The following FHIT variants were observed in gnomAD, a reference collection of about 807,000 sequenced individuals.
The protein encoded by FHIT is bis(5'-adenosyl)-triphosphatase.
FHIT carries 19 observed loss-of-function variants against 17.9 expected under a neutral mutation model. That is an observed-to-expected ratio of 1.06 (90% confidence interval 0.74 to 1.56). The LOEUF (loss-of-function observed/expected upper bound fraction) is 1.56, where lower values mean the gene tolerates loss of function less well. Among genes scored for constraint, FHIT ranks in the 40% most tolerant of loss-of-function variants. The probability of loss-of-function intolerance (pLI) is 0.00; values close to 1 mark genes in which losing one functional copy is unlikely to be tolerated. For synonymous variants in FHIT, 81 were observed against 69.7 expected (o/e 1.16, Z -0.81); for missense variants, 248 against 189.2 (o/e 1.31, Z -1.82).
chr3:60,122,628 G>C (rs1238266405), intron 5 of FHIT, among the ~76,000 whole-genome samples: 1 of 152,138 alleles, frequency 6.6e-6, no homozygotes, highest in Non-Finnish European at 1.5e-5. Context: ...ACGAAGGACA[G>C]ATAGACACTC....
At chr3:61,146,556 A>T (rs1226073293) in intron 2 of FHIT, among the ~76,000 whole-genome samples, 1 of 152,094 alleles carries the variant, frequency 6.6e-6, no homozygotes, top group East Asian at 1.9e-4. Context: ...TTATACAGGC[A>T]ACAGCCCATA....
intron 5 of FHIT, among the ~76,000 whole-genome samples, chr3:60,086,388 T>C (rs1054649017): frequency 2.6e-5 from 4 of 152,192 alleles, no homozygotes; most frequent in Non-Finnish European, 4.4e-5. Context: ...CCAAAACCCA[T>C]GTACTTCTCA....
Position 60,484,067 on chromosome 3 carries a change from T to C in FHIT, c.103+52793A>G, listed in dbSNP as rs185268061. Among the ~76,000 whole-genome samples, 734 of 152,084 alleles carry C rather than the reference T, an allele frequency of 4.8e-3. 4 individuals are homozygous for C. Among genetic ancestry groups the C allele is most frequent in the African/African-American group, 0.017 (690 of 41,500 alleles). On this transcript the variant is annotated intron_variant, in intron 5 of 9. Transcript: ENST00000492590. The stretch of plus-strand genomic sequence containing the variant: ...GCAGAGAGCCAAATCATGAATGAAC[T>C]CCCATTCACAATTGCTACAAAGAGA...
At chr3:60,600,543 G>A (rs2038410980) in intron 4 of FHIT, among the ~76,000 whole-genome samples, 1 of 152,112 alleles carries the variant, frequency 6.6e-6, no homozygotes, top group Admixed American at 6.6e-5. Context: ...TATAAGCTTT[G>A]CTATAAATTT....
intron 5 of FHIT, among the ~76,000 whole-genome samples, chr3:60,027,865 A>G (rs1700819373): frequency 6.6e-6 from 1 of 152,180 alleles, no homozygotes; most frequent in African/African-American, 2.4e-5. Context: ...TCTATATCCT[A>G]TACTGTTCAA....
chr3:60,611,931 C>A (rs1553673758), intron 4 of FHIT, among the ~76,000 whole-genome samples: 1 of 152,074 alleles, frequency 6.6e-6, no homozygotes, highest in Non-Finnish European at 1.5e-5. Context: ...CATGTAGGGC[C>A]CCCTTACTTT....
chr3:60,611,415 T>G (rs146757203), intron 4 of FHIT, among the ~76,000 whole-genome samples: 143 of 152,282 alleles, frequency 9.4e-4, no homozygotes, highest in African/African-American at 3.3e-3. Context: ...GTGGGAGTTA[T>G]TTATAACCTA....
At chr3:61,109,427 G>A (rs928430003) in intron 2 of FHIT, among the ~76,000 whole-genome samples, 1 of 152,128 alleles carries the variant, frequency 6.6e-6, no homozygotes, top group African/African-American at 2.4e-5. Context: ...TTGGGGTTAA[G>A]TGAAGGTTGC....
At chr3:61,125,919 T>C (rs1407465767) in intron 2 of FHIT, among the ~76,000 whole-genome samples, 1 of 152,214 alleles carries the variant, frequency 6.6e-6, no homozygotes, top group Admixed American at 6.5e-5. Flanking sequence ...CCAGTCCATA[T>C]ACACTGTGAA....
intron 5 of FHIT, among the ~76,000 whole-genome samples, chr3:60,445,671 G>T (rs972186830): frequency 6.6e-6 from 1 of 151,962 alleles, no homozygotes; most frequent in Admixed American, 6.6e-5. Flanking sequence ...ACTTAAGCCT[G>T]TCTGAACTTG....
intron 4 of FHIT, among the ~76,000 whole-genome samples, chr3:60,609,081 C>T (rs939998699): frequency 2.0e-5 from 3 of 151,312 alleles, no homozygotes; most frequent in African/African-American, 7.3e-5. Flanking sequence ...TTCTGCTGTT[C>T]CTACTCTGAA....
chr3:61,004,183 A>G (rs2107609624), intron 3 of FHIT, among the ~76,000 whole-genome samples: 1 of 152,266 alleles, frequency 6.6e-6, no homozygotes, highest in East Asian at 1.9e-4. Flanking sequence ...GTGAAACAAA[A>G]GTTCTGAATA....
intron 8 of FHIT, among the ~76,000 whole-genome samples, chr3:59,864,507 T>C (rs890594661): frequency 1.3e-5 from 2 of 152,066 alleles, no homozygotes; most frequent in African/African-American, 4.8e-5. Context: ...GAAAACAGAT[T>C]AATATAGCAT....
chr3:60,744,263 C>CAAAAAAAAAAAAAA (rs1201886354), intron 4 of FHIT, among the ~76,000 whole-genome samples: 6 of 85,980 alleles, frequency 7.0e-5, no homozygotes, highest in Non-Finnish European at 1.2e-4. Flanking sequence ...AAAAACAAAA[C>CAAAAAAAAAAAAAA]AAAACAAAAA....
At chr3:61,173,462 G>C (rs561944832) in intron 2 of FHIT, among the ~76,000 whole-genome samples, 95 of 152,110 alleles carry the variant, frequency 6.2e-4, no homozygotes, top group Non-Finnish European at 1.1e-3. Context: ...ATTATTGTTA[G>C]AATGCTTTCG....
intron 5 of FHIT, among the ~76,000 whole-genome samples, chr3:60,128,885 T>G (rs1699382931): frequency 6.6e-6 from 1 of 152,190 alleles, no homozygotes; most frequent in Non-Finnish European, 1.5e-5. Context: ...CACAGTTCTT[T>G]GCACATAATA....
chr3:60,282,290 G>A (rs1332238565), intron 5 of FHIT, among the ~76,000 whole-genome samples: 2 of 152,038 alleles, frequency 1.3e-5, no homozygotes, highest in Admixed American at 6.6e-5. Flanking sequence ...AAATCCATAC[G>A]ACAGAATACT....
chr3:61,093,853 C>T (rs545000004), intron 2 of FHIT, among the ~76,000 whole-genome samples: 1 of 152,220 alleles, frequency 6.6e-6, no homozygotes, highest in Non-Finnish European at 1.5e-5. Flanking sequence ...GTTAGGTACA[C>T]GTAATAAATA....
intron 5 of FHIT, among the ~76,000 whole-genome samples, chr3:60,123,302 G>A (rs1220438132): frequency 6.6e-6 from 1 of 152,130 alleles, no homozygotes; most frequent in Non-Finnish European, 1.5e-5. Flanking sequence ...TATAAAGTAT[G>A]ATTCAGTGTT....
Sources: allele counts gnomAD v4.1 joint callset (sites outside exome capture counted in the v4.1 genomes callset), GRCh38; gene constraint gnomAD v4.1.1; transcripts MANE v1.5; gene names NCBI Gene and HGNC (gene_info 2026-07-23, HGNC 2026-07-21).